CASK: variants seen among roughly 807,000 people sequenced by gnomAD.
CASK encodes peripheral plasma membrane protein CASK.
Under a neutral mutation model 82.9 loss-of-function variants are expected in CASK, and 4 were observed. The observed-to-expected ratio is 0.05, with a 90% CI of 0.02 to 0.11. The LOEUF is 0.11. CASK is among the 10% of genes least tolerant of loss of function. The pLI is 1.00. For synonymous variants in CASK, 259 were observed against 253.5 expected (o/e 1.02, Z -0.20); for missense variants, 358 against 720.9 (o/e 0.50, Z 5.76).
At chrX:41,809,818 C>T (rs753174941) in intron 2 of CASK, among the ~76,000 whole-genome samples, 10 of 111,583 alleles carry the variant, frequency 9.0e-5, no homozygotes, top group South Asian at 7.5e-4. Flanking sequence ...TTGAACCCAT[C>T]GCAAAGAAGC....
At chrX:41,604,701 G>A (rs1378401716) in intron 12 of CASK, among the ~76,000 whole-genome samples, 1 of 111,820 alleles carries the variant, frequency 8.9e-6, no homozygotes, top group Non-Finnish European at 1.9e-5. Context: ...TTCATACGAA[G>A]ATCATCTTAG....
chrX:41,913,124 T>C (rs143000547), intron 1 of CASK, among the ~76,000 whole-genome samples: 222 of 111,081 alleles, frequency 2.0e-3, no homozygotes, highest in African/African-American at 6.7e-3. Context: ...CCAAATATTT[T>C]ACTATGTGTG....
intron 14 of CASK, among the ~76,000 whole-genome samples, chrX:41,583,498 G>A (rs1004796921): frequency 9.0e-6 from 1 of 110,572 alleles, no homozygotes; most frequent in Non-Finnish European, 1.9e-5. Flanking sequence ...GTGCAGAGGC[G>A]TGATCTCGCC....
At chrX:41,591,569 G>C (rs778273960) in intron 12 of CASK, among the ~76,000 whole-genome samples, 6 of 109,741 alleles carry the variant, frequency 5.5e-5, no homozygotes, top group Non-Finnish European at 1.1e-4. Context: ...CTGCCTCCTC[G>C]GTTCGAGCGA....
At chrX:41,772,299 C>T (rs1479171622) in intron 3 of CASK, among the ~76,000 whole-genome samples, 1 of 92,686 alleles carries the variant, frequency 1.1e-5, no homozygotes, top group Non-Finnish European at 2.1e-5. Context: ...TGCAGTGAGC[C>T]GAGATCACGC....
Position 41,690,476 on chromosome X carries a change from A to G in CASK, c.430-18946T>C, listed in dbSNP as rs943146713. Among the ~76,000 whole-genome samples the G allele has an allele frequency of 3.7e-5, 4 of 108,464 alleles. No homozygotes were observed. In the Admixed American group the frequency reaches 4.0e-4, roughly 11 times the overall value. 94.2% of individuals were successfully genotyped at this position (108,464 alleles called of 115,157 possible). On this transcript the variant is annotated intron_variant, in intron 5 of 26. Transcript: ENST00000378163. The stretch of plus-strand genomic sequence containing the variant: ...ATTCTCCAGCCTCAGCCTCCGGAGT[A>G]GCTGGGACTACAGGTGCGTGCCACC...
intron 9 of CASK, among the ~76,000 whole-genome samples, chrX:41,632,511 G>A (rs1602380367): frequency 8.9e-6 from 1 of 111,960 alleles, no homozygotes; most frequent in South Asian, 3.7e-4. Context: ...TCAGTCACAC[G>A]TGGTATTGAG....
chrX:41,725,701 G>A (rs966673471), intron 5 of CASK, among the ~76,000 whole-genome samples: 2 of 111,851 alleles, frequency 1.8e-5, no homozygotes, highest in Non-Finnish European at 3.8e-5. Flanking sequence ...CCTTTGAAGC[G>A]AGAAAGATTT....
At chrX:41,842,775 TTTAATA>T (rs2147950435) in intron 2 of CASK, among the ~76,000 whole-genome samples, 1 of 111,679 alleles carries the variant, frequency 9.0e-6, no homozygotes. Flanking sequence ...ATATTTTCAC[TTTAATA>T]TTAAGTCTTC....
chrX:41,696,417 G>A lies in CASK; in HGVS notation c.430-24887C>T, dbSNP rs2067690018. ...AAAATTTCCTAATTCTGGTAAATAT[G>A]CCACTACAGCTCGTAACTCCTTTAT... On this transcript the variant is annotated intron_variant, in intron 5 of 26. Transcript: ENST00000378163. 6.8e-6 allele frequency: 8 copies of A among 1,184,950 alleles called. No homozygotes were observed. The East Asian group carries it at 2.4e-4, about 35-fold the overall frequency.
chrX:41,841,511 GTTTTTTT>G (rs1193063113), intron 2 of CASK, among the ~76,000 whole-genome samples: 1 of 80,217 alleles, frequency 1.2e-5, no homozygotes, highest in African/African-American at 4.5e-5. Context: ...TTTCCTTTTT[GTTTTTTT>G]TTTTTTTTTG....
chrX:41,715,170 T>C (rs1171259512), intron 5 of CASK, among the ~76,000 whole-genome samples: 2 of 112,522 alleles, frequency 1.8e-5, no homozygotes, highest in Non-Finnish European at 3.8e-5. Context: ...AACCCCTGTG[T>C]TTGATTTTTT....
rs752396120 is a variant in CASK, at chrX:41,736,487, G to A, written c.429+2897C>T. On this transcript the variant is annotated intron_variant, in intron 5 of 26. Transcript: ENST00000378163. The stretch of plus-strand genomic sequence containing the variant: ...TGCACTCCAGCCTGGGTGACAGGGC[G>A]AGACCCTGTATCAAAAAACAAACAA... 2.7e-5 allele frequency among the ~76,000 whole-genome samples: 3 copies of A among 111,620 alleles called. No homozygotes were observed. In the East Asian group the frequency reaches 8.4e-4, roughly 31 times the overall value.
chrX:41,589,562 G>C lies in CASK; in HGVS notation c.1186C>G (p.Pro396Ala), dbSNP rs137852820. 1.7e-6 allele frequency: 2 copies of C among 1,202,722 alleles called. No homozygotes were observed. The highest frequency in any genetic ancestry group is 3.0e-5 in the East Asian group (1 of 33,735). The change falls in exon 13 of 27, where the codon CCA becomes GCA. Residue 396 changes from proline to alanine, a missense_variant. By Grantham distance (27) the Pro-to-Ala change is conservative. This residue lies in a region of CASK where 110 missense variants were observed against 218.8 expected (regional missense o/e 0.50). Coordinates refer to ENST00000378163, the MANE Select transcript of CASK (RefSeq NM_001367721.1). ...LYDKINTKSSPQIRNPPSDAV... is the reference protein window; with the variant it reads ...LYDKINTKSSAQIRNPPSDAV... ...TCGCTTGGAGGATTCCTGATTTGTG[G>C]TGAAGACTTTGTGTTAATTTTGTCA...
intron 22 of CASK, among the ~76,000 whole-genome samples, chrX:41,540,140 G>A: frequency 8.9e-6 from 1 of 111,953 alleles, no homozygotes; most frequent in Middle Eastern, 4.6e-3. Context: ...AGCATGGCAA[G>A]GAAGGTTCTG....
chrX:41,591,187 A>G, intron 12 of CASK, among the ~76,000 whole-genome samples: 1 of 111,985 alleles, frequency 8.9e-6, no homozygotes, highest in Middle Eastern at 4.6e-3. Context: ...ATCTCTAAAG[A>G]AATGTCAATG....
At chrX:41,558,594 T>A (rs1322300030) in intron 18 of CASK, 1 of 111,109 alleles carries the variant, frequency 9.0e-6, no homozygotes, top group African/African-American at 3.3e-5. Context: ...CCAGCAAAGT[T>A]TGTGTTCTAG....
At chrX:41,741,616 TTGACCCAAACGTA>T (rs1309012410) in intron 4 of CASK, among the ~76,000 whole-genome samples, 2 of 112,007 alleles carry the variant, frequency 1.8e-5, no homozygotes, top group African/African-American at 6.5e-5. Context: ...ACTCAATTAC[TTGACCCAAACGTA>T]TGTACACAGC....
chrX:41,676,016 A>G (rs974539393), intron 5 of CASK: 1 of 1,206,158 alleles, frequency 8.3e-7, no homozygotes, highest in Admixed American at 2.2e-5. Context: ...TGTTGGTTGC[A>G]TTTCCTTTTT....
Sources: gnomAD v4.1 joint callset for allele counts (sites outside exome capture counted in the v4.1 genomes callset) on GRCh38, gnomAD v4.1.1 for gene constraint, gnomAD v4.1.1 regional missense constraint, MANE v1.5 for transcripts, NCBI Gene and HGNC (gene_info 2026-07-23, HGNC 2026-07-21) for gene names.